Variants in WASHC2A observed in about 807,000 individuals in gnomAD.
WASHC2A encodes WASH complex subunit FAM21A.
WASHC2A carries 82 observed loss-of-function variants against 140.3 expected under a neutral mutation model. The observed-to-expected ratio is 0.58, with a 90% CI of 0.49 to 0.70. WASHC2A has a LOEUF of 0.70. WASHC2A is among the 30% of genes least tolerant of loss of function. The pLI is 0.00. For missense variants in WASHC2A, 985 were observed against 1,521.8 expected (o/e 0.65, Z 5.87); for synonymous variants, 340 against 560.8 (o/e 0.61, Z 5.56).
intron 19 of WASHC2A, among the ~76,000 whole-genome samples, chr10:50,109,419 C>G (rs1391379266): frequency 3.9e-5 from 6 of 151,932 alleles, no homozygotes; most frequent in African/African-American, 1.2e-4. Context: ...TTAAAATATT[C>G]TTCTCTGGAG....
At chr10:50,103,509 G>A (rs1329454220) in intron 17 of WASHC2A, among the ~76,000 whole-genome samples, 61 of 152,150 alleles carry the variant, frequency 4.0e-4, no homozygotes, top group African/African-American at 1.3e-3. Context: ...TCAGTGAGCC[G>A]AGATTGCACC....
At chr10:50,090,508 A>AG (rs1389720538) in intron 8 of WASHC2A, among the ~76,000 whole-genome samples, 2 of 84,176 alleles carry the variant, frequency 2.4e-5, no homozygotes, top group African/African-American at 7.8e-5. Context: ...ATCTCAAAAA[A>AG]AAAAAAAATA....
rs1318795125 is a variant in WASHC2A at position 50,118,062 on chromosome 10, G to A, written c.2295+4G>A. On this transcript the variant is annotated splice_donor_region_variant and intron_variant, in intron 22 of 30. Coordinates refer to ENST00000282633, the MANE Select transcript of WASHC2A (RefSeq NM_001005751.3). ...TGATGTGGCTGAGTCAGAAAAGGTGGACTTTTTTCTCTTGTATACTTGAAT... is the reference window on the plus strand; with the variant it reads ...TGATGTGGCTGAGTCAGAAAAGGTGAACTTTTTTCTCTTGTATACTTGAAT... 1 of 1,607,944 alleles carries A rather than the reference G, an allele frequency of 6.2e-7. No homozygotes were observed. Among genetic ancestry groups the A allele is most frequent in the Admixed American group, 1.7e-5 (1 of 58,602 alleles).
chr10:50,128,735 C>T (rs1474218195), intron 28 of WASHC2A, among the ~76,000 whole-genome samples: 1 of 151,964 alleles, frequency 6.6e-6, no homozygotes, highest in Non-Finnish European at 1.5e-5. Context: ...CATACTTTGC[C>T]CAAAGTAGAT....
intron 20 of WASHC2A, among the ~76,000 whole-genome samples, chr10:50,110,563 A>G (rs1346310793): frequency 1.9e-4 from 29 of 151,380 alleles, no homozygotes; most frequent in Admixed American, 7.2e-4. Flanking sequence ...TCTCTGGGCT[A>G]CTCTAAAGTA....
intron 3 of WASHC2A, among the ~76,000 whole-genome samples, chr10:50,072,532 A>G (rs868907760): frequency 2.2e-3 from 277 of 124,284 alleles, no homozygotes; most frequent in African/African-American, 4.4e-3. Context: ...TGTCGCCCAG[A>G]CTGGAGTGCA....
chr10:50,133,061 C>T lies in WASHC2A; in HGVS notation c.*116C>T, dbSNP rs1179196976. On this transcript the variant is annotated 3_prime_UTR_variant, in exon 31 of 31. Coordinates refer to ENST00000282633, the MANE Select transcript of WASHC2A (RefSeq NM_001005751.3). ...AAAGCAAATACTAGAACAGCTAGCT[C>T]ATCGTTCACCCAATGTACTTGGTAT... 3 of 1,586,060 alleles carry T rather than the reference C, an allele frequency of 1.9e-6. No individual in the cohort carries two copies. The highest frequency in any genetic ancestry group is 2.3e-4 in the Middle Eastern group (1 of 4,290).
chr10:50,121,336 AGTT>A (rs1262427215), intron 23 of WASHC2A, among the ~76,000 whole-genome samples: 1 of 149,850 alleles, frequency 6.7e-6, no homozygotes, highest in African/African-American at 2.5e-5. Context: ...AACCAATTGT[AGTT>A]CTGTAAGCTA....
At chr10:50,111,960 A>G (rs2132894287) in intron 20 of WASHC2A, among the ~76,000 whole-genome samples, 1 of 152,218 alleles carries the variant, frequency 6.6e-6, no homozygotes, top group Non-Finnish European at 1.5e-5. Flanking sequence ...CCTGGGAGGC[A>G]GAGGTTACAG....
At chr10:50,077,182 T>C (rs1183468361) in intron 3 of WASHC2A, among the ~76,000 whole-genome samples, 29 of 150,834 alleles carry the variant, frequency 1.9e-4, no homozygotes, top group African/African-American at 7.1e-4. Context: ...TAATCCCAAC[T>C]ACTCGGGAGG....
rs1234802128 is a variant in WASHC2A, at chr10:50,114,192, C to T, written c.2142+195C>T. Among the ~76,000 whole-genome samples, 2 of 94,382 alleles carry T rather than the reference C, an allele frequency of 2.1e-5. 1 individual carries two copies. Among genetic ancestry groups the T allele is most frequent in the Non-Finnish European group, 4.4e-5 (2 of 45,640 alleles). The allele number at this position is 94,382 out of a possible 152,430, so 61.9% of individuals were successfully genotyped here. On this transcript the variant is annotated intron_variant, in intron 21 of 30. Coordinates refer to ENST00000282633, the MANE Select transcript of WASHC2A (RefSeq NM_001005751.3). ...GAAGCACACGTGCAAAACCATCATTCAGTGTCAGGTGTAGGAACAAGGAAC... is the reference window on the plus strand; with the variant it reads ...GAAGCACACGTGCAAAACCATCATTTAGTGTCAGGTGTAGGAACAAGGAAC...
At chr10:50,112,849 CCA>C (rs1842395795) in intron 20 of WASHC2A, among the ~76,000 whole-genome samples, 1 of 149,494 alleles carries the variant, frequency 6.7e-6, no homozygotes, top group Admixed American at 6.7e-5. Flanking sequence ...TATAGATAAA[CCA>C]CAGAGACAGA....
chr10:50,090,515 A>AAAAAATATATATATTT (rs1214596899), intron 8 of WASHC2A, among the ~76,000 whole-genome samples: 1 of 108,766 alleles, frequency 9.2e-6, no homozygotes. Flanking sequence ...AAAAAAAAAA[A>AAAAAATATATATATTT]ATATATATAT....
chr10:50,069,396 G>A, intron 2 of WASHC2A, 151 bp from the exon 3 acceptor site: 1 of 1,227,516 alleles, frequency 8.1e-7, no homozygotes, highest in Non-Finnish European at 1.1e-6. Context: ...TCCAGCCCAG[G>A]CAACAGAGTG....
intron 19 of WASHC2A, among the ~76,000 whole-genome samples, chr10:50,107,315 T>C (rs1841877263): frequency 7.6e-6 from 1 of 131,244 alleles, no homozygotes; most frequent in African/African-American, 2.8e-5. Context: ...TAAACTCCTT[T>C]TTGAGGGAGT....
At position 50,100,072 on chromosome 10, in the gene WASHC2A, A is replaced by G; in HGVS notation, c.1635+8A>G. 3 of 1,566,296 alleles carry G rather than the reference A, an allele frequency of 1.9e-6. No homozygotes were observed. The highest frequency in any genetic ancestry group is 8.7e-7 in the Non-Finnish European group (1 of 1,149,694). Reference sequence around the variant, plus strand: ...GATGAGGAGGACTCTGAGGTATGGAATTCTTTTGCTTAGTTGTGGGTATTA... The same window carrying G: ...GATGAGGAGGACTCTGAGGTATGGAGTTCTTTTGCTTAGTTGTGGGTATTA... On this transcript the variant is annotated splice_region_variant and intron_variant, in intron 17 of 30. Coordinates refer to ENST00000282633, the MANE Select transcript of WASHC2A (RefSeq NM_001005751.3).
intron 20 of WASHC2A, 25 bp downstream of exon 20, chr10:50,110,295 C>T (rs1842169961): frequency 1.2e-6 from 2 of 1,607,280 alleles, no homozygotes; most frequent in East Asian, 4.5e-5. Flanking sequence ...GGAAGGAGTC[C>T]CTCACTCCGT....
intron 2 of WASHC2A, among the ~76,000 whole-genome samples, chr10:50,068,870 G>A (rs1157421881): frequency 6.9e-6 from 1 of 145,398 alleles, no homozygotes; most frequent in Non-Finnish European, 1.5e-5. Flanking sequence ...CACCACACCT[G>A]TCTGATTTGT....
intron 28 of WASHC2A, among the ~76,000 whole-genome samples, chr10:50,128,234 A>G (rs966249359): frequency 7.3e-5 from 11 of 151,460 alleles, no homozygotes; most frequent in South Asian, 2.1e-4. Context: ...GTCACTTCAC[A>G]CTTTCCAGCC....
Sources: allele counts gnomAD v4.1 joint callset (sites outside exome capture counted in the v4.1 genomes callset), GRCh38; gene constraint gnomAD v4.1.1; transcripts MANE v1.5; gene names NCBI Gene and HGNC (gene_info 2026-07-23, HGNC 2026-07-21).